The following VWA3B variants were observed in gnomAD, a reference collection of about 807,000 sequenced individuals.
VWA3B encodes von Willebrand factor A domain-containing protein 3B.
VWA3B carries 138 observed loss-of-function variants against 158.3 expected under a neutral mutation model. The observed-to-expected ratio is 0.87, with a 90% CI of 0.76 to 1.00. The LOEUF (loss-of-function observed/expected upper bound fraction) is 1.00, where lower values mean the gene tolerates loss of function less well. VWA3B is among the 50% of genes least tolerant of loss of function. The pLI is 0.00. For synonymous variants in VWA3B, 596 were observed against 587.3 expected (o/e 1.01, Z -0.21); for missense variants, 1,555 against 1,565.1 (o/e 0.99, Z 0.11).
At chr2:98,293,250 A>C (rs186371249) in intron 23 of VWA3B, among the ~76,000 whole-genome samples, 15 of 152,348 alleles carry the variant, frequency 9.8e-5, no homozygotes, top group African/African-American at 3.6e-4. Context: ...CAACAGCCGC[A>C]TGGGATCTGA....
intron 14 of VWA3B, among the ~76,000 whole-genome samples, chr2:98,219,425 T>TA (rs898369446): frequency 6.8e-4 from 102 of 150,984 alleles, no homozygotes; most frequent in African/African-American, 1.9e-3. Context: ...AGAATTCAAA[T>TA]AAAAAAAACA....
intron 19 of VWA3B, among the ~76,000 whole-genome samples, chr2:98,243,348 T>A (rs1047306894): frequency 6.6e-6 from 1 of 152,102 alleles, no homozygotes; most frequent in Non-Finnish European, 1.5e-5. Flanking sequence ...ATTTTTTTTT[T>A]CTTGAGATGG....
chr2:98,308,881 A>G (rs2106017226), intron 26 of VWA3B, among the ~76,000 whole-genome samples: 1 of 152,308 alleles, frequency 6.6e-6, no homozygotes, highest in East Asian at 1.9e-4. Flanking sequence ...CCTCCTTAAG[A>G]AGACTCCTGT....
chr2:98,224,782 A>C (rs1014328569), intron 14 of VWA3B, among the ~76,000 whole-genome samples: 2 of 151,608 alleles, frequency 1.3e-5, no homozygotes. Flanking sequence ...CAACCAAACT[A>C]TGTGCTGCTT....
At chr2:98,271,105 G>GAA (rs11364249) in intron 22 of VWA3B, among the ~76,000 whole-genome samples, 1,823 of 147,226 alleles carry the variant, frequency 0.012, 40 homozygotes, top group African/African-American at 0.042. Flanking sequence ...TCTTTTAATT[G>GAA]AAAAAAAAAA....
At chr2:98,199,362 AAGGGCCTG>A (rs1190076639) in intron 12 of VWA3B, among the ~76,000 whole-genome samples, 5 of 152,170 alleles carry the variant, frequency 3.3e-5, no homozygotes, top group Admixed American at 6.5e-5. Flanking sequence ...GAGAACTGTG[AAGGGCCTG>A]AGATTTTACC....
chr2:98,291,953 T>G (rs1689515535), intron 23 of VWA3B: 1 of 146,774 alleles, frequency 6.8e-6, no homozygotes, highest in Non-Finnish European at 1.5e-5. Context: ...GCAAAAAGAT[T>G]ACATTGCAGG....
At chr2:98,313,665 C>T (rs1691024924), downstream of VWA3B, among the ~76,000 whole-genome samples, 1 of 152,184 alleles carries the variant, frequency 6.6e-6, no homozygotes, top group African/African-American at 2.4e-5. Flanking sequence ...GACAGCCTGC[C>T]AGGCTCCAGA....
intron 21 of VWA3B, among the ~76,000 whole-genome samples, chr2:98,270,254 A>G (rs1033406120): frequency 6.6e-6 from 1 of 152,238 alleles, no homozygotes; most frequent in African/African-American, 2.4e-5. Context: ...CACTGAGGCA[A>G]ATATTTGGGT....
chr2:98,247,249 C>T (rs1398619946), intron 19 of VWA3B, among the ~76,000 whole-genome samples: 1 of 152,090 alleles, frequency 6.6e-6, no homozygotes, highest in Non-Finnish European at 1.5e-5. Context: ...CCACCCGCCT[C>T]AGCCTCCCAA....
intron 8 of VWA3B, among the ~76,000 whole-genome samples, chr2:98,176,992 AAGT>A (rs1347277003): frequency 4.6e-5 from 7 of 152,286 alleles, no homozygotes; most frequent in Non-Finnish European, 8.8e-5. Context: ...GGTGCCAGGC[AAGT>A]AACATTCAGT....
chr2:98,250,197 T>C lies in VWA3B; in HGVS notation c.2674-121T>C, dbSNP rs1686707816. On this transcript the variant is annotated intron_variant, in intron 19 of 27. Transcript: ENST00000477737. ...TTACTGTGTTTTCTAATGTTCTACATTTATTGTATATTGACTTTATAGTCA... is the reference window on the plus strand; with the variant it reads ...TTACTGTGTTTTCTAATGTTCTACACTTATTGTATATTGACTTTATAGTCA... 7 of 668,740 alleles carry C rather than the reference T, an allele frequency of 1.0e-5. No individual in the cohort carries two copies. The East Asian group carries it at 1.9e-4, about 18-fold the overall frequency. 41.4% of individuals were successfully genotyped at this position (668,740 alleles called of 1,614,324 possible). A position where few individuals can be genotyped will look rare whatever the true frequency, so the allele number is the denominator to read the frequency against.
rs752327559 is a variant in VWA3B at position 98,230,212 on chromosome 2, C to T, written c.2308+5C>T. 1 of 1,548,862 alleles carries T rather than the reference C, an allele frequency of 6.5e-7. No individual in the cohort carries two copies. Among genetic ancestry groups the T allele is most frequent in the Non-Finnish European group, 8.7e-7 (1 of 1,154,270 alleles). On this transcript the variant is annotated splice_donor_5th_base_variant and intron_variant, in intron 16 of 27. Coordinates refer to ENST00000477737, the MANE Select transcript of VWA3B (RefSeq NM_144992.5). The stretch of plus-strand genomic sequence containing the variant: ...AAAAGAAAGTCCTTCACGCAGGTAT[C>T]AGTGAACAAAATGGCTTGACTCTTT...
chr2:98,133,851 G>C lies in VWA3B; in HGVS notation c.900G>C (p.Glu300Asp). Residue 300 changes from glutamate (E) to aspartate (D), a missense_variant, in exon 7 of 28, where the codon GAG (glutamate) becomes GAC (aspartate). Coordinates refer to ENST00000477737, the MANE Select transcript of VWA3B (RefSeq NM_144992.5). Reference sequence around the variant, plus strand: ...TCCACGCATTTGCCGAGAGAACAGAGTGTGTAGAATTTCCTGCATTCTCCA... The same window carrying C: ...TCCACGCATTTGCCGAGAGAACAGACTGTGTAGAATTTCCTGCATTCTCCA... ...SRFHAFAERTECVEFPAFSTK... is the reference protein window; with the variant it reads ...SRFHAFAERTDCVEFPAFSTK... 1 of 1,614,146 alleles carries C rather than the reference G, an allele frequency of 6.2e-7. No homozygotes were observed. Among genetic ancestry groups the C allele is most frequent in the Non-Finnish European group, 8.5e-7 (1 of 1,180,026 alleles).
chr2:98,103,232 G>T (rs1156732157), intron 2 of VWA3B, among the ~76,000 whole-genome samples: 4 of 151,962 alleles, frequency 2.6e-5, no homozygotes, highest in Non-Finnish European at 5.9e-5. Flanking sequence ...TCTTTTCAAA[G>T]AAACACATTT....
chr2:98,279,211 A>C (rs1027128300), intron 22 of VWA3B, among the ~76,000 whole-genome samples: 5 of 152,126 alleles, frequency 3.3e-5, no homozygotes, highest in Admixed American at 1.3e-4. Flanking sequence ...AAGAAGGGGG[A>C]AAATATCCCC....
chr2:98,225,968 C>T (rs566790434), intron 14 of VWA3B, among the ~76,000 whole-genome samples: 7 of 152,138 alleles, frequency 4.6e-5, no homozygotes, highest in African/African-American at 9.7e-5. Flanking sequence ...GTCCTGTTCA[C>T]GGATTGAACG....
At chr2:98,321,164 G>T in the VWA3B span, among the ~76,000 whole-genome samples, 1 of 152,236 alleles carries the variant, frequency 6.6e-6, no homozygotes, top group Non-Finnish European at 1.5e-5. Context: ...TGGGTGCAAA[G>T]AAGTCAAGAA....
chr2:98,126,815 T>C (rs989453709), intron 5 of VWA3B, among the ~76,000 whole-genome samples: 2 of 152,204 alleles, frequency 1.3e-5, no homozygotes, highest in African/African-American at 2.4e-5. Flanking sequence ...TCAAGTGGCC[T>C]GATCTCAGCT....
Sources: gnomAD v4.1 joint callset for allele counts (sites outside exome capture counted in the v4.1 genomes callset) on GRCh38, gnomAD v4.1.1 for gene constraint, MANE v1.5 for transcripts, NCBI Gene and HGNC (gene_info 2026-07-23, HGNC 2026-07-21) for gene names.